The following MYRIP variants were observed in gnomAD, a reference collection of about 807,000 sequenced individuals.
MYRIP encodes rab effector MyRIP.
In MYRIP, 49 loss-of-function variants were observed where a neutral mutation model predicts 98.0. The ratio of observed to expected loss-of-function variants is 0.50; its 90% confidence interval spans 0.40 to 0.63. The LOEUF (loss-of-function observed/expected upper bound fraction) is 0.63, where lower values mean the gene tolerates loss of function less well. Ranked by LOEUF, MYRIP falls within the 30% of genes least tolerant of loss-of-function variation. The pLI is 0.00. For missense variants in MYRIP, 1,004 were observed against 1,058.2 expected, an observed-to-expected ratio of 0.95 and a Z score of 0.71; for synonymous variants, 404 against 409.5, an observed-to-expected ratio of 0.99 and a Z score of 0.16.
At chr3:40,018,518 A>C (rs1946920352) in intron 2 of MYRIP, among the ~76,000 whole-genome samples, 1 of 152,166 alleles carries the variant, frequency 6.6e-6, no homozygotes, top group Non-Finnish European at 1.5e-5. Context: ...TGCAGACCAA[A>C]GACATGAGTG....
At chr3:40,060,160 T>A (rs1001705204) in intron 3 of MYRIP, among the ~76,000 whole-genome samples, 6 of 151,890 alleles carry the variant, frequency 4.0e-5, no homozygotes, top group South Asian at 2.1e-4. Flanking sequence ...AAAAAAAAAA[T>A]TTTACAAGGT....
chr3:39,963,100 G>A (rs1161509090), intron 2 of MYRIP, among the ~76,000 whole-genome samples: 3 of 152,064 alleles, frequency 2.0e-5, no homozygotes, highest in Non-Finnish European at 4.4e-5. Context: ...ACATACTTTG[G>A]ATTACAAAGG....
chr3:39,930,126 C>T (rs1025209378), intron 2 of MYRIP, among the ~76,000 whole-genome samples: 3 of 151,926 alleles, frequency 2.0e-5, no homozygotes, highest in East Asian at 1.9e-4. Flanking sequence ...TTTGAGAAAT[C>T]GCCAAACTTT....
intron 2 of MYRIP, among the ~76,000 whole-genome samples, chr3:40,005,408 G>A (rs1196210299): frequency 2.6e-5 from 4 of 152,310 alleles, no homozygotes; most frequent in African/African-American, 9.6e-5. Flanking sequence ...TATGCCATCA[G>A]GCATTATTTC....
chr3:40,056,415 C>G (rs916193160), intron 3 of MYRIP, among the ~76,000 whole-genome samples: 1 of 152,152 alleles, frequency 6.6e-6, no homozygotes, highest in Non-Finnish European at 1.5e-5. Context: ...TCTTGACAAC[C>G]CTAAGCACAG....
At chr3:40,037,561 T>C (rs191581872) in intron 2 of MYRIP, among the ~76,000 whole-genome samples, 1 of 152,162 alleles carries the variant, frequency 6.6e-6, no homozygotes, top group Non-Finnish European at 1.5e-5. Context: ...TCTTTCAGGA[T>C]ACATATCCCC....
At chr3:39,871,339 A>G (rs1942782513) in intron 1 of MYRIP, among the ~76,000 whole-genome samples, 1 of 152,224 alleles carries the variant, frequency 6.6e-6, no homozygotes, top group Admixed American at 6.5e-5. Flanking sequence ...TTGTGATTTG[A>G]GTTCAACTTT....
At chr3:40,167,970 CTTG>C (rs994053319) in intron 7 of MYRIP, among the ~76,000 whole-genome samples, 2 of 152,164 alleles carry the variant, frequency 1.3e-5, no homozygotes, top group African/African-American at 2.4e-5. Context: ...GTTTCTGTGC[CTTG>C]TTGTATCAGA....
intron 3 of MYRIP, among the ~76,000 whole-genome samples, chr3:40,145,886 A>G (rs530582896): frequency 6.6e-6 from 1 of 152,328 alleles, no homozygotes; most frequent in African/African-American, 2.4e-5. Context: ...ATTACAGTCA[A>G]TCAGGAATAC....
rs562714414 is a variant in MYRIP, at chr3:40,022,987, G to T, written c.111-21063G>T. ...TGACAATTCCTATGAGAAAATGTGA[G>T]ACTGAAGACATGAGAACCACTGGCA... On this transcript the variant is annotated intron_variant, in intron 2 of 16. Transcript: ENST00000302541. 2.6e-5 allele frequency among the ~76,000 whole-genome samples: 4 copies of T among 152,244 alleles called. No homozygotes were observed. The Middle Eastern group carries it at 0.01, about 388-fold the overall frequency.
chr3:39,997,781 C>T (rs1292217194), intron 2 of MYRIP, among the ~76,000 whole-genome samples: 1 of 152,032 alleles, frequency 6.6e-6, no homozygotes, highest in African/African-American at 2.4e-5. Flanking sequence ...TGCAAAAATC[C>T]ATGATAAAAT....
At chr3:40,217,264 C>CA (rs1468073288) in intron 11 of MYRIP, among the ~76,000 whole-genome samples, 3 of 152,002 alleles carry the variant, frequency 2.0e-5, no homozygotes, top group Non-Finnish European at 2.9e-5. Flanking sequence ...GTCTCACACA[C>CA]AAAAAATCAC....
At chr3:40,143,776 T>C (rs932146099) in intron 3 of MYRIP, among the ~76,000 whole-genome samples, 2 of 152,212 alleles carry the variant, frequency 1.3e-5, no homozygotes, top group Admixed American at 6.5e-5. Context: ...ACACATCTTA[T>C]CATTTTTGTG....
intron 2 of MYRIP, among the ~76,000 whole-genome samples, chr3:39,998,073 TATC>T (rs1365321357): frequency 4.6e-5 from 7 of 152,056 alleles, no homozygotes; most frequent in South Asian, 2.1e-4. Context: ...CCACAGCCAA[TATC>T]ATACTGAATG....
intron 4 of MYRIP, among the ~76,000 whole-genome samples, chr3:40,151,387 T>C (rs1950116519): frequency 6.6e-6 from 1 of 152,256 alleles, no homozygotes; most frequent in African/African-American, 2.4e-5. Flanking sequence ...GCGTCCCCAC[T>C]GGGCTAGAGC....
At chr3:39,994,412 G>T (rs1259158544) in intron 2 of MYRIP, among the ~76,000 whole-genome samples, 1 of 152,256 alleles carries the variant, frequency 6.6e-6, no homozygotes, top group African/African-American at 2.4e-5. Flanking sequence ...GGCTCGGAGG[G>T]TCCTATGCCC....
chr3:40,192,388 A>G (rs1951261559), intron 10 of MYRIP, among the ~76,000 whole-genome samples: 1 of 138,978 alleles, frequency 7.2e-6, no homozygotes, highest in South Asian at 2.3e-4. Context: ...TTTTAATTAT[A>G]TAAATAAATG....
At position 39,943,783 on chromosome 3, in the gene MYRIP, G is replaced by C. The variant is rs920571849; in HGVS notation, c.110+42857G>C. On this transcript the variant is annotated intron_variant, in intron 2 of 16. Coordinates refer to ENST00000302541, the MANE Select transcript of MYRIP (RefSeq NM_015460.4). ...GATTCATAGGGCCAAGAGTTCACTAGCTTTCCGCTGCTATTATGTTGCAGT... is the reference window on the plus strand; with the variant it reads ...GATTCATAGGGCCAAGAGTTCACTACCTTTCCGCTGCTATTATGTTGCAGT... Among the ~76,000 whole-genome samples, 29 of 152,142 alleles carry C rather than the reference G, an allele frequency of 1.9e-4. 1 individual carries two copies. The highest frequency in any genetic ancestry group is 6.6e-4 in the Admixed American group (10 of 15,266).
intron 1 of MYRIP, among the ~76,000 whole-genome samples, chr3:39,864,443 C>T (rs546220629): frequency 6.6e-6 from 1 of 152,154 alleles, no homozygotes; most frequent in East Asian, 1.9e-4. Context: ...AATAACTTTA[C>T]AATAAAGTTT....
Sources: allele counts gnomAD v4.1 joint callset (sites outside exome capture counted in the v4.1 genomes callset), GRCh38; gene constraint gnomAD v4.1.1; transcripts MANE v1.5; gene names NCBI Gene and HGNC (gene_info 2026-07-23, HGNC 2026-07-21).